HTR7: variants seen among roughly 807,000 people sequenced by gnomAD.
HTR7 encodes the protein 5-hydroxytryptamine receptor 7.
Under a neutral mutation model 34.0 loss-of-function variants are expected in HTR7, and 16 were observed. The observed-to-expected ratio is 0.47, with a 90% CI of 0.32 to 0.71. HTR7 has a LOEUF of 0.71. HTR7 is among the 30% of genes least tolerant of loss of function. The pLI, the probability that HTR7 is intolerant of heterozygous loss-of-function variation, is 0.04. For missense variants in HTR7, 504 were observed against 625.5 expected (o/e 0.81, Z 2.07); for synonymous variants, 265 against 260.2 (o/e 1.02, Z -0.18).
intron 1 of HTR7, among the ~76,000 whole-genome samples, chr10:90,808,122 C>T (rs1845732204): frequency 6.6e-6 from 1 of 152,196 alleles, no homozygotes; most frequent in Admixed American, 6.5e-5. Flanking sequence ...ATTATTCACC[C>T]ACGTTTCAGA....
At chr10:90,842,594 C>T (rs1846346264) in intron 1 of HTR7, among the ~76,000 whole-genome samples, 1 of 152,050 alleles carries the variant, frequency 6.6e-6, no homozygotes. Context: ...GCCCTTGGCA[C>T]CCAACAATGG....
intron 1 of HTR7, among the ~76,000 whole-genome samples, chr10:90,809,664 G>C (rs1257456037): frequency 6.6e-6 from 1 of 152,184 alleles, no homozygotes; most frequent in Non-Finnish European, 1.5e-5. Flanking sequence ...GCGGCCAGGC[G>C]TTCCTCCAGA....
intron 1 of HTR7, among the ~76,000 whole-genome samples, chr10:90,834,567 T>C (rs935407343): frequency 5.9e-5 from 9 of 152,114 alleles, no homozygotes; most frequent in African/African-American, 2.2e-4. Flanking sequence ...TCTGTGTCTG[T>C]GGTCAGGTGA....
At chr10:90,805,193 A>G (rs961819988) in intron 1 of HTR7, among the ~76,000 whole-genome samples, 8 of 152,196 alleles carry the variant, frequency 5.3e-5, no homozygotes, top group Non-Finnish European at 1.0e-4. Context: ...GGAAATGGTC[A>G]TTACTATAGG....
chr10:90,840,162 T>TTCTC (rs753030195), intron 1 of HTR7, among the ~76,000 whole-genome samples: 10,747 of 138,466 alleles, frequency 0.078, 463 homozygotes, highest in East Asian at 0.13. Flanking sequence ...CTCCATCTGT[T>TTCTC]TCTCTCTCTC....
chr10:90,793,866 T>G (rs1334123210), intron 1 of HTR7, among the ~76,000 whole-genome samples: 1 of 152,144 alleles, frequency 6.6e-6, no homozygotes, highest in Admixed American at 6.5e-5. Context: ...ACTTGGAGTC[T>G]GATGTTCAAG....
In HTR7 at chr10:90,857,583, T is replaced by A; in HGVS notation, c.89A>T (p.Asp30Val). ...GTCGGCGCCACCGTCGGGGCTCAAG[T>A]CGGGCAGCCCGCGCCCCACTTCTGG... ...LLPEVGRGLP[D>V]LSPDGGADPV... Residue 30 changes from aspartate to valine, a missense_variant, in exon 1 of 4, where the codon GAC (aspartate) becomes GTC (valine). Asp to Val is a radical substitution (Grantham distance 152, BLOSUM62 -3). This residue lies in a region of HTR7 where 139 missense variants were observed against 117.1 expected (regional missense o/e 1.19). Coordinates refer to ENST00000336152, the MANE Select transcript of HTR7 (RefSeq NM_019859.4). The surrounding 1 kb of genome is among the most constrained non-coding windows in gnomAD (Gnocchi z 6.5). 1 of 1,594,830 alleles carries A rather than the reference T, an allele frequency of 6.3e-7. No homozygotes were observed. Among genetic ancestry groups the A allele is most frequent in the Non-Finnish European group, 8.5e-7 (1 of 1,172,526 alleles).
chr10:90,857,301 G>T lies in HTR7; in HGVS notation c.371C>A (p.Ala124Glu). ...CACAGCCACCGAGAGGTCGGCCAGC[G>T]CCAGGGACACGATCAGGTAGTTGGA... ...QPSNYLIVSL[A>E]LADLSVAVAV... The change falls in exon 1 of 4, where the codon GCG becomes GAG. Residue 124 changes from alanine to glutamate, a missense_variant. Around this residue, in one of 4 missense-constraint regions of HTR7, gnomAD observed 154 missense variants for 248.8 expected, o/e 0.62. Coordinates refer to ENST00000336152, the MANE Select transcript of HTR7 (RefSeq NM_019859.4). The surrounding 1 kb of genome is among the most constrained non-coding windows in gnomAD (Gnocchi z 6.5). 6.2e-7 allele frequency: 1 copy of T among 1,614,054 alleles called. No homozygotes were observed. The highest frequency in any genetic ancestry group is 1.1e-5 in the South Asian group (1 of 91,068).
At chr10:90,826,155 C>T (rs1421691016) in intron 1 of HTR7, among the ~76,000 whole-genome samples, 1 of 152,060 alleles carries the variant, frequency 6.6e-6, no homozygotes, top group African/African-American at 2.4e-5. Flanking sequence ...TGGCAGCAGA[C>T]TTTTCAGTGG....
chr10:90,773,166 C>T (rs1436838405), intron 1 of HTR7, among the ~76,000 whole-genome samples: 3 of 152,154 alleles, frequency 2.0e-5, no homozygotes, highest in Non-Finnish European at 4.4e-5. Flanking sequence ...TAAAGCATCC[C>T]TTGCTTTCGG....
At chr10:90,795,721 G>A (rs934326967) in intron 1 of HTR7, among the ~76,000 whole-genome samples, 2 of 152,142 alleles carry the variant, frequency 1.3e-5, no homozygotes, top group Admixed American at 6.5e-5. Context: ...ATGTGCCCAG[G>A]GTGTTTGGGG....
chr10:90,749,135 G>C lies in HTR7; in HGVS notation c.999C>G (p.Val333=). The C allele has an allele frequency of 6.2e-7, 1 of 1,614,150 alleles. No individual in the cohort carries two copies. Reference sequence around the variant, plus strand: ...GCAGCCAGCACACGGTAAAGGCCCCGACGATGATCCCCAGGGTGGTGGCTG... The same window carrying C: ...GCAGCCAGCACACGGTAAAGGCCCCCACGATGATCCCCAGGGTGGTGGCTG... ...QKAATTLGII[V]GAFTVCWLPF... Residue 333 remains valine (V), a synonymous_variant, in exon 2 of 4, where the codon GTC becomes GTG. Transcript: ENST00000336152. This position sits in a 1 kb window ranked among gnomAD's most constrained non-coding sequence, Gnocchi z 4.2.
At chr10:90,840,862 C>T (rs981818223) in intron 1 of HTR7, among the ~76,000 whole-genome samples, 10 of 152,162 alleles carry the variant, frequency 6.6e-5, no homozygotes, top group African/African-American at 9.7e-5. Context: ...TCTACATGGC[C>T]ACAGAACTAC....
chr10:90,753,778 AATG>A (rs1276603391), intron 1 of HTR7, among the ~76,000 whole-genome samples: 1 of 152,084 alleles, frequency 6.6e-6, no homozygotes, highest in Non-Finnish European at 1.5e-5. Context: ...AGCCATTAAA[AATG>A]ATGATGTACG....
intron 1 of HTR7, among the ~76,000 whole-genome samples, chr10:90,813,022 C>A (rs1589462279): frequency 1.3e-5 from 2 of 152,266 alleles, no homozygotes; most frequent in African/African-American, 4.8e-5. Flanking sequence ...CCTGGCTCAT[C>A]CTGGCTCAAA....
rs189424585 is a variant in HTR7, at chr10:90,842,988, G to T, written c.539+14145C>A. On this transcript the variant is annotated intron_variant, in intron 1 of 3. Transcript: ENST00000336152. ...CCAGACATCTCCTGATCCTAACTTG[G>T]TTTCTCAAGTAAACTTCTCCACTGC... is the stretch of plus-strand genomic sequence containing the variant. Among the ~76,000 whole-genome samples the T allele has an allele frequency of 2.6e-3, 400 of 152,174 alleles. 3 individuals carry two copies. Among genetic ancestry groups the T allele is most frequent in the African/African-American group, 9.3e-3 (384 of 41,506 alleles).
chr10:90,742,574 T>C, intron 3 of HTR7, 46 bp from the exon 4 acceptor site: 1 of 1,326,060 alleles, frequency 7.5e-7, no homozygotes, highest in East Asian at 2.3e-5. Flanking sequence ...AGTAGAACTG[T>C]AAATGTGAGT....
At chr10:90,744,797 G>A (rs1378924569) in intron 2 of HTR7, among the ~76,000 whole-genome samples, 1 of 152,154 alleles carries the variant, frequency 6.6e-6, no homozygotes, top group Non-Finnish European at 1.5e-5. Context: ...CTTGGAGCTA[G>A]CATAGAAGAG....
chr10:90,774,351 C>A (rs1390241336), intron 1 of HTR7, among the ~76,000 whole-genome samples: 1 of 152,172 alleles, frequency 6.6e-6, no homozygotes, highest in Non-Finnish European at 1.5e-5. Flanking sequence ...CAAAGTATTT[C>A]TTCTTTATTG....
Sources: allele counts gnomAD v4.1 joint callset (sites outside exome capture counted in the v4.1 genomes callset), GRCh38; gene constraint gnomAD v4.1.1; regional missense constraint gnomAD v4.1.1; non-coding constraint Gnocchi (gnomAD v3.1); transcripts MANE v1.5; gene names NCBI Gene and HGNC (gene_info 2026-07-23, HGNC 2026-07-21).